FAM149A: variants seen among roughly 807,000 people sequenced by gnomAD.
FAM149A encodes the protein protein FAM149A.
FAM149A carries 71 observed loss-of-function variants against 78.2 expected under a neutral mutation model. The observed-to-expected ratio is 0.91, with a 90% CI of 0.75 to 1.11. The LOEUF is 1.11. Among genes scored for constraint, FAM149A ranks in the 50% least tolerant of loss-of-function variants. The probability of loss-of-function intolerance (pLI) is 0.00; values close to 1 mark genes in which losing one functional copy is unlikely to be tolerated. For missense variants in FAM149A, 1,036 were observed against 971.0 expected, an observed-to-expected ratio of 1.07 and a Z score of -0.89; for synonymous variants, 446 against 410.5, an observed-to-expected ratio of 1.09 and a Z score of -1.04.
chr4:186,109,224 G>A, intron 1 of FAM149A: 1 of 981,438 alleles, frequency 1.0e-6, no homozygotes, highest in Non-Finnish European at 1.2e-6. Context: ...TAATTGCTGT[G>A]TATGAATGTT....
At position 186,104,994 on chromosome 4, in the gene FAM149A, G is replaced by A; in HGVS notation, c.-83G>A. ...CGGGTGCGGGGACCTCAGGCTCCTC[G>A]CCCCGGCCCGGGCCGCCTCGGCCGG... On this transcript the variant is annotated 5_prime_UTR_variant, in exon 1 of 14. Coordinates refer to ENST00000389354, the MANE Select transcript of FAM149A (RefSeq NM_001367768.3). 1 of 1,225,864 alleles carries A rather than the reference G, an allele frequency of 8.2e-7. No individual in the cohort carries two copies. Among genetic ancestry groups the A allele is most frequent in the Middle Eastern group, 3.2e-4 (1 of 3,116 alleles). The allele number at this position is 1,225,864 out of a possible 1,614,324, so 75.9% of individuals were successfully genotyped here. A position where few individuals can be genotyped will look rare whatever the true frequency, so the allele number is the denominator to read the frequency against.
intron 1 of FAM149A, among the ~76,000 whole-genome samples, chr4:186,106,514 G>A (rs1251324867): frequency 6.6e-6 from 1 of 152,024 alleles, no homozygotes. Flanking sequence ...ACAGACTGAG[G>A]TTTCTGCATT....
intron 8 of FAM149A, chr4:186,158,860 C>T (rs1361164903): frequency 6.4e-6 from 6 of 935,524 alleles, no homozygotes; most frequent in Non-Finnish European, 7.7e-6. Flanking sequence ...TGTTCTTCCA[C>T]AGGCCACCAG....
chr4:186,132,699 A>G (rs1368121988), intron 1 of FAM149A, among the ~76,000 whole-genome samples: 1 of 152,226 alleles, frequency 6.6e-6, no homozygotes. Context: ...GTGCTTGTCC[A>G]GGCTTAGTAC....
At chr4:186,149,788 C>T (rs1733325139) in intron 3 of FAM149A, 84 bp downstream of exon 3, 7 of 1,008,332 alleles carry the variant, frequency 6.9e-6, no homozygotes, top group Non-Finnish European at 7.7e-6. Context: ...TTATTTTTAC[C>T]AATTATAAAA....
At chr4:186,141,801 A>G (rs950538856) in intron 1 of FAM149A, among the ~76,000 whole-genome samples, 5 of 152,180 alleles carry the variant, frequency 3.3e-5, no homozygotes, top group African/African-American at 1.2e-4. Context: ...CCCCAAGATA[A>G]TAGGGCTTTA....
At chr4:186,154,153 C>G (rs1209017026) in intron 5 of FAM149A, among the ~76,000 whole-genome samples, 1 of 152,212 alleles carries the variant, frequency 6.6e-6, no homozygotes, top group East Asian at 1.9e-4. Flanking sequence ...TTTCTGTTCA[C>G]TAGCAGATTT....
chr4:186,137,010 CTCTCTCTCTA>C (rs2099323601), intron 1 of FAM149A, among the ~76,000 whole-genome samples: 5 of 129,604 alleles, frequency 3.9e-5, no homozygotes, highest in African/African-American at 1.2e-4. Flanking sequence ...CTCTCTCTCT[CTCTCTCTCTA>C]AGTGCTTAAA....
At chr4:186,163,344 T>G (rs1387392712) in intron 9 of FAM149A, 80 bp from the exon 10 acceptor site, 8 of 1,127,812 alleles carry the variant, frequency 7.1e-6, no homozygotes, top group Non-Finnish European at 9.4e-6. Context: ...TTCTAGGCAG[T>G]GCTCAACTAA....
In FAM149A at chr4:186,156,043, A is replaced by T; in HGVS notation, c.1273A>T (p.Lys425Ter). The T allele has an allele frequency of 6.2e-7, 1 of 1,613,844 alleles. No individual in the cohort carries two copies. The highest frequency in any genetic ancestry group is 2.2e-5 in the East Asian group (1 of 44,878). The change falls in exon 7 of 14, where the codon AAA (lysine) becomes TAA (stop). Residue 425 changes from lysine to a stop codon, truncating the protein, a stop_gained. Coordinates refer to ENST00000389354, the MANE Select transcript of FAM149A (RefSeq NM_001367768.3). LOFTEE classifies it high-confidence loss of function. ...ACAAAAACCAGCTCAGCCCGGTAGGAAATGGCGCAAACTCGGACTTCCTCC... is the reference window on the plus strand; with the variant it reads ...ACAAAAACCAGCTCAGCCCGGTAGGTAATGGCGCAAACTCGGACTTCCTCC...
At chr4:186,160,291 AAC>A (rs200478875) in intron 8 of FAM149A, among the ~76,000 whole-genome samples, 2,297 of 129,606 alleles carry the variant, frequency 0.018, 73 homozygotes, top group African/African-American at 0.065. Context: ...CCACACACCA[AAC>A]ACACACCCCA....
At chr4:186,140,683 C>T (rs2099325428) in intron 1 of FAM149A, among the ~76,000 whole-genome samples, 1 of 152,050 alleles carries the variant, frequency 6.6e-6, no homozygotes, top group Admixed American at 6.6e-5. Context: ...TCCCAGGGCC[C>T]CATGCCATTA....
intron 13 of FAM149A, chr4:186,167,793 G>A (rs1341219505): frequency 1.1e-5 from 2 of 181,188 alleles, no homozygotes; most frequent in Non-Finnish European, 2.4e-5. Flanking sequence ...CTCCAACACT[G>A]TTTTCAAGGC....
At chr4:186,132,179 A>C in intron 1 of FAM149A, 2 of 985,436 alleles carry the variant, frequency 2.0e-6, no homozygotes, top group Non-Finnish European at 2.4e-6. Context: ...CTTTTAATGA[A>C]GGGCAGATTT....
In FAM149A at chr4:186,130,502, A is replaced by G. The variant is rs1238837840; in HGVS notation, c.567-18671A>G. Among the ~76,000 whole-genome samples the G allele has an allele frequency of 2.0e-5, 3 of 147,906 alleles. No homozygotes were observed. In the East Asian group the frequency reaches 6.4e-4, roughly 31 times the overall value. The stretch of plus-strand genomic sequence containing the variant: ...GTGATCCTCCCACCTCAGCCTCCCC[A>G]GTAGCCACCATGCCTGGCATTTTTT... On this transcript the variant is annotated intron_variant, in intron 1 of 13. Coordinates refer to ENST00000389354, the MANE Select transcript of FAM149A (RefSeq NM_001367768.3).
At chr4:186,155,934 G>A (rs1734003864) in intron 6 of FAM149A, 66 bp from the exon 7 acceptor site, 2 of 1,305,872 alleles carry the variant, frequency 1.5e-6, no homozygotes, top group Non-Finnish European at 2.2e-6. Flanking sequence ...GTGAATGTGT[G>A]TAGATAGAAT....
chr4:186,131,426 G>T (rs1160790580), intron 1 of FAM149A, among the ~76,000 whole-genome samples: 1 of 99,214 alleles, frequency 1.0e-5, no homozygotes, highest in African/African-American at 3.4e-5. Context: ...TGAGCACACA[G>T]GGAGTTGGCA....
chr4:186,110,370 A>C (rs2150077826), intron 1 of FAM149A: 1 of 950,636 alleles, frequency 1.1e-6, no homozygotes, highest in Middle Eastern at 5.4e-4. Flanking sequence ...CTCAGTGTAC[A>C]ATTGTCATAT....
intron 1 of FAM149A, among the ~76,000 whole-genome samples, chr4:186,112,175 A>C (rs2150080037): frequency 6.7e-6 from 1 of 148,160 alleles, no homozygotes; most frequent in East Asian, 2.0e-4. Context: ...ATGGGAGTTC[A>C]CTCATGATTT....
Sources: allele counts gnomAD v4.1 joint callset (sites outside exome capture counted in the v4.1 genomes callset), GRCh38; gene constraint gnomAD v4.1.1; transcripts MANE v1.5; gene names NCBI Gene and HGNC (gene_info 2026-07-23, HGNC 2026-07-21).